The following TBCK variants were observed in gnomAD, a reference collection of about 807,000 sequenced individuals.
TBCK encodes the protein TBC domain-containing protein kinase-like protein.
A neutral mutation model predicts 113.4 loss-of-function variants in TBCK; 99 were observed. That is an observed-to-expected ratio of 0.87 (90% CI 0.74 to 1.03). TBCK has a LOEUF of 1.03. TBCK is among the 50% of genes least tolerant of loss of function. The pLI, the probability that TBCK is intolerant of heterozygous loss-of-function variation, is 0.00. For missense variants in TBCK, 1,045 were observed against 1,061.3 expected, an observed-to-expected ratio of 0.98 and a Z score of 0.21; for synonymous variants, 369 against 370.8, an observed-to-expected ratio of 1.00 and a Z score of 0.05.
intron 23 of TBCK, among the ~76,000 whole-genome samples, chr4:106,151,801 T>C (rs189566981): frequency 6.6e-6 from 1 of 152,148 alleles, no homozygotes; most frequent in Non-Finnish European, 1.5e-5. Flanking sequence ...TAGAGGTCTT[T>C]CACTTCTTTG....
At chr4:106,060,068 C>A (rs1185226678) in intron 25 of TBCK, among the ~76,000 whole-genome samples, 2 of 151,764 alleles carry the variant, frequency 1.3e-5, no homozygotes, top group Non-Finnish European at 2.9e-5. Context: ...TGGAAGCTAG[C>A]AGACATTGGT....
rs554592547 is a variant in TBCK at position 106,108,434 on chromosome 4, G to A, written c.2411+7769C>T. Among the ~76,000 whole-genome samples the A allele has an allele frequency of 2.6e-5, 4 of 152,258 alleles. No homozygotes were observed. In the South Asian group the frequency reaches 8.3e-4, roughly 32 times the overall value. On this transcript the variant is annotated intron_variant, in intron 24 of 25. Coordinates refer to ENST00000394708, the MANE Select transcript of TBCK (RefSeq NM_001163435.3). ...ATGATCAAGTAGGCTTCATCCCCGG[G>A]ATGCAAGATTGGCTCAACATGCAAA...
chr4:106,300,876 G>T lies in TBCK; in HGVS notation c.194-5710C>A, dbSNP rs577735450. 9.9e-5 allele frequency among the ~76,000 whole-genome samples: 15 copies of T among 152,230 alleles called. No homozygotes were observed. The South Asian group carries it at 1.0e-3, about 11-fold the overall frequency. The stretch of plus-strand genomic sequence containing the variant: ...AGCTACATGAGAGGCTGAGACGGGA[G>T]GATCACTTTAAGCCAGGAGTTCAAG... On this transcript the variant is annotated intron_variant, in intron 2 of 25. Coordinates refer to ENST00000394708, the MANE Select transcript of TBCK (RefSeq NM_001163435.3).
At chr4:106,312,481 G>A (rs1768308512) in intron 1 of TBCK, among the ~76,000 whole-genome samples, 1 of 152,156 alleles carries the variant, frequency 6.6e-6, no homozygotes, top group African/African-American at 2.4e-5. Context: ...TGTGGAAGTG[G>A]AGCTTTGCTA....
intron 23 of TBCK, among the ~76,000 whole-genome samples, chr4:106,142,248 G>C (rs992254398): frequency 1.3e-5 from 2 of 152,126 alleles, no homozygotes; most frequent in African/African-American, 4.8e-5. Flanking sequence ...AAAAACTTCA[G>C]TTTAGCAGGG....
intron 23 of TBCK, among the ~76,000 whole-genome samples, chr4:106,134,435 A>C (rs898532320): frequency 1.3e-5 from 2 of 152,200 alleles, no homozygotes; most frequent in Non-Finnish European, 2.9e-5. Context: ...AAGTGAAGCT[A>C]CCAACAAAAT....
chr4:106,238,154 A>G (rs1352920096), intron 12 of TBCK, among the ~76,000 whole-genome samples: 1 of 152,092 alleles, frequency 6.6e-6, no homozygotes, highest in Non-Finnish European at 1.5e-5. Context: ...TAAGAGCAAA[A>G]CAAAATCAGC....
intron 20 of TBCK, among the ~76,000 whole-genome samples, chr4:106,206,898 G>T (rs1026128172): frequency 6.6e-6 from 1 of 152,120 alleles, no homozygotes; most frequent in Non-Finnish European, 1.5e-5. Context: ...AGCTGTGACA[G>T]TAGGTTGAAA....
rs777526240 is a variant in TBCK at position 106,295,181 on chromosome 4, G to GCAAAC, written c.194-20_194-16dup. The GCAAAC allele has an allele frequency of 6.2e-7, 1 of 1,607,396 alleles. No individual in the cohort carries two copies. The highest frequency in any genetic ancestry group is 8.5e-7 in the Non-Finnish European group (1 of 1,177,370). On this transcript the variant is annotated splice_polypyrimidine_tract_variant and intron_variant, in intron 2 of 25. Coordinates refer to ENST00000394708, the MANE Select transcript of TBCK (RefSeq NM_001163435.3). ...CACTAGTCGTTCTGAGAAAAACAAA[G>GCAAAC]CAAACCCATGTTATATTTTATCAAT... is the stretch of plus-strand genomic sequence containing the variant.
intron 23 of TBCK, among the ~76,000 whole-genome samples, chr4:106,162,185 C>G (rs1012559296): frequency 1.3e-5 from 2 of 152,162 alleles, no homozygotes; most frequent in Non-Finnish European, 2.9e-5. Flanking sequence ...CAAAATTCAG[C>G]AGGGCAGCCA....
intron 22 of TBCK, among the ~76,000 whole-genome samples, chr4:106,189,186 G>T (rs78294945): frequency 0.026 from 4,002 of 151,834 alleles, 184 homozygotes; most frequent in African/African-American, 0.091. Flanking sequence ...TTTTACAGAT[G>T]GGTGGGGGAG....
intron 2 of TBCK, among the ~76,000 whole-genome samples, chr4:106,300,482 C>A (rs936933631): frequency 6.6e-6 from 1 of 152,124 alleles, no homozygotes; most frequent in African/African-American, 2.4e-5. Flanking sequence ...ATATTTACTG[C>A]ATCACTTTTG....
upstream of TBCK, chr4:106,316,348 C>CG (rs1561016584): frequency 6.9e-6 from 4 of 576,044 alleles, no homozygotes; most frequent in African/African-American, 1.9e-5. Flanking sequence ...GAAAGAGGTG[C>CG]GGGGGGACGG....
At chr4:106,255,034 T>G in intron 5 of TBCK, 1 of 346,260 alleles carries the variant, frequency 2.9e-6, no homozygotes, top group Non-Finnish European at 5.8e-6. Flanking sequence ...GCCAAGTATC[T>G]TCTCTTTCAC....
At chr4:106,308,747 A>G (rs1382493778) in intron 2 of TBCK, 21 bp downstream of exon 2, 1 of 1,589,472 alleles carries the variant, frequency 6.3e-7, no homozygotes, top group Non-Finnish European at 8.6e-7. Flanking sequence ...CATAAATAGG[A>G]AAAAAAAGAA....
At chr4:106,091,626 G>A (rs911457483) in intron 25 of TBCK, among the ~76,000 whole-genome samples, 5 of 152,038 alleles carry the variant, frequency 3.3e-5, no homozygotes, top group South Asian at 2.1e-4. Flanking sequence ...GGAGTTGTTC[G>A]TTCCTCCCGG....
At chr4:106,102,610 A>G (rs1741683645) in intron 24 of TBCK, among the ~76,000 whole-genome samples, 1 of 151,708 alleles carries the variant, frequency 6.6e-6, no homozygotes, top group East Asian at 1.9e-4. Context: ...GAGATGAAAT[A>G]TATTTTTAGA....
At chr4:106,282,438 T>C (rs768754751) in intron 3 of TBCK, among the ~76,000 whole-genome samples, 10 of 152,078 alleles carry the variant, frequency 6.6e-5, no homozygotes, top group Non-Finnish European at 1.5e-4. Flanking sequence ...TTTTTTCTTC[T>C]ACTAATTTTG....
chr4:106,312,115 C>A (rs543965987), intron 1 of TBCK, among the ~76,000 whole-genome samples: 3 of 152,124 alleles, frequency 2.0e-5, no homozygotes, highest in South Asian at 2.1e-4. Flanking sequence ...TCCAAAGGCA[C>A]CCCTGAGAAA....
Sources: allele counts gnomAD v4.1 joint callset (sites outside exome capture counted in the v4.1 genomes callset), GRCh38; gene constraint gnomAD v4.1.1; transcripts MANE v1.5; gene names NCBI Gene and HGNC (gene_info 2026-07-23, HGNC 2026-07-21).